The following LVRN variants were observed in gnomAD, a reference collection of about 807,000 sequenced individuals.
The protein encoded by LVRN is laeverin, also known as aminopeptidase Q.
Under a neutral mutation model 111.4 loss-of-function variants are expected in LVRN, and 99 were observed. That is an observed-to-expected ratio of 0.89 (90% CI 0.76 to 1.05). The LOEUF (loss-of-function observed/expected upper bound fraction) is 1.05. LVRN is among the 50% of genes least tolerant of loss of function. The probability of loss-of-function intolerance (pLI) is 0.00; values close to 1 mark genes in which losing one functional copy is unlikely to be tolerated. For synonymous variants in LVRN, 488 were observed against 449.5 expected, an observed-to-expected ratio of 1.09 and a Z score of -1.08; for missense variants, 1,414 against 1,206.8, an observed-to-expected ratio of 1.17 and a Z score of -2.54.
At chr5:115,966,036 T>G (rs1753194293) in intron 1 of LVRN, among the ~76,000 whole-genome samples, 1 of 152,228 alleles carries the variant, frequency 6.6e-6, no homozygotes, top group South Asian at 2.1e-4. Context: ...GTACCCTTCA[T>G]CTAGTTTATC....
intron 1 of LVRN, among the ~76,000 whole-genome samples, chr5:115,973,679 A>C (rs1753375806): frequency 6.6e-6 from 1 of 152,190 alleles, no homozygotes; most frequent in Non-Finnish European, 1.5e-5. Flanking sequence ...AAGTTGCCAA[A>C]TGTGTAAGTA....
intron 10 of LVRN, among the ~76,000 whole-genome samples, chr5:116,002,433 A>G (rs1748255098): frequency 6.6e-6 from 1 of 152,156 alleles, no homozygotes; most frequent in African/African-American, 2.4e-5. Context: ...TTTTGAAGTG[A>G]TTGTCAAGCT....
chr5:115,978,357 C>A (rs1425714118), intron 1 of LVRN, among the ~76,000 whole-genome samples: 1 of 152,150 alleles, frequency 6.6e-6, no homozygotes, highest in East Asian at 1.9e-4. Context: ...GATCCTGTGT[C>A]TTTTGAAAAT....
Position 115,962,831 on chromosome 5 carries a change from C to G in LVRN, c.214C>G (p.Pro72Ala). ...GCAGAAGCCGACGCCAACCCCGAAACCCAGCAGTGCACGCGAGCTAGCGGT... is the reference window on the plus strand; with the variant it reads ...GCAGAAGCCGACGCCAACCCCGAAAGCCAGCAGTGCACGCGAGCTAGCGGT... The part of the protein sequence containing the change: ...LRQKPTPTPK[P>A]SSARELAVTT... The change falls in exon 1 of 20, where the codon CCC becomes GCC. Residue 72 changes from proline to alanine, a missense_variant. Pro to Ala is a conservative substitution (Grantham distance 27, BLOSUM62 -1). Coordinates refer to ENST00000357872, the MANE Select transcript of LVRN (RefSeq NM_173800.5). 2 of 1,612,980 alleles carry G rather than the reference C, an allele frequency of 1.2e-6. No homozygotes were observed. Among genetic ancestry groups the G allele is most frequent in the Non-Finnish European group, 1.7e-6 (2 of 1,179,718 alleles).
At position 116,026,333 on chromosome 5, in the gene LVRN, A is replaced by C. The variant is rs1748866782; in HGVS notation, c.*215A>C. 3 of 585,120 alleles carry C rather than the reference A, an allele frequency of 5.1e-6. No homozygotes were observed. In the East Asian group the frequency reaches 9.6e-5, roughly 19 times the overall value. The allele number at this position is 585,120 out of a possible 1,614,324, so 36.2% of individuals were successfully genotyped here. A position where few individuals can be genotyped will look rare whatever the true frequency, so the allele number is the denominator to read the frequency against. ...TGCCAATGCTGCTGTATTTCTGGGAAAGATGTCACTTCATGTTGGGTTATA... is the reference window on the plus strand; with the variant it reads ...TGCCAATGCTGCTGTATTTCTGGGACAGATGTCACTTCATGTTGGGTTATA... On this transcript the variant is annotated 3_prime_UTR_variant, in exon 20 of 20. Coordinates refer to ENST00000357872, the MANE Select transcript of LVRN (RefSeq NM_173800.5).
intron 13 of LVRN, among the ~76,000 whole-genome samples, chr5:116,006,229 A>G (rs1748371821): frequency 6.6e-6 from 1 of 152,180 alleles, no homozygotes; most frequent in Admixed American, 6.5e-5. Context: ...CCTGTATTTT[A>G]ATATATTGCA....
intron 13 of LVRN, among the ~76,000 whole-genome samples, chr5:116,009,070 A>G (rs961368226): frequency 2.6e-5 from 4 of 152,204 alleles, no homozygotes; most frequent in African/African-American, 9.6e-5. Flanking sequence ...GTTAGGGGCT[A>G]ATGCAGCTGG....
chr5:115,969,555 T>A lies in LVRN; in HGVS notation c.695+6243T>A, dbSNP rs1414076249. 9.9e-5 allele frequency among the ~76,000 whole-genome samples: 15 copies of A among 152,262 alleles called. No homozygotes were observed. The East Asian group carries it at 2.9e-3, about 29-fold the overall frequency. ...GCTCACGCCTGTAATCCCAGCACTT[T>A]GGGAGGCCGAGGCAGGTGGATCACG... On this transcript the variant is annotated intron_variant, in intron 1 of 19. Coordinates refer to ENST00000357872, the MANE Select transcript of LVRN (RefSeq NM_173800.5).
chr5:115,975,221 T>C (rs563687118), intron 1 of LVRN: 10 of 485,564 alleles, frequency 2.1e-5, no homozygotes, highest in Non-Finnish European at 3.3e-5. Context: ...ATCTTCATTA[T>C]CTTGGGTTCA....
intron 6 of LVRN, 121 bp from the exon 7 acceptor site, chr5:115,999,641 T>G: frequency 9.4e-7 from 1 of 1,066,930 alleles, no homozygotes; most frequent in South Asian, 1.5e-5. Context: ...TCAAAGACAC[T>G]TCTCAATTAC....
rs967254101 is a variant in LVRN at position 115,984,263 on chromosome 5, C to A, written c.839-307C>A. On this transcript the variant is annotated intron_variant, in intron 2 of 19. Transcript: ENST00000357872. ...TAAGTGTTGTGAGAAATGGGCTGGA[C>A]TAGAAAACAATAGAATTAGGTGGGA... 1.1e-4 allele frequency among the ~76,000 whole-genome samples: 17 copies of A among 152,078 alleles called. 1 individual carries two copies. The highest frequency in any genetic ancestry group is 8.5e-4 in the Admixed American group (13 of 15,258).
In LVRN at chr5:116,001,135, C is replaced by T. The variant is rs1040560721; in HGVS notation, c.1716C>T (p.His572=). ...TIKNIMDSWT[H]QSGFPVITLN... is the part of the protein sequence containing the mutation. ...AAAACATAATGGACAGTTGGACACA[C>T]CAGAGTGGTTTTCCAGTGATCACTT... Residue 572 remains histidine (H), a synonymous_variant, in exon 10 of 20, where the codon CAC becomes CAT. Transcript: ENST00000357872. 1 of 1,613,814 alleles carries T rather than the reference C, an allele frequency of 6.2e-7. No homozygotes were observed. The highest frequency in any genetic ancestry group is 8.5e-7 in the Non-Finnish European group (1 of 1,179,970).
intron 4 of LVRN, among the ~76,000 whole-genome samples, chr5:115,989,018 A>G (rs1747927372): frequency 6.6e-6 from 1 of 151,766 alleles, no homozygotes; most frequent in Non-Finnish European, 1.5e-5. Context: ...CCATCCATCC[A>G]CTCACTTCTT....
intron 1 of LVRN, chr5:115,974,749 T>C (rs1426028857): frequency 9.5e-6 from 2 of 209,776 alleles, no homozygotes; most frequent in Non-Finnish European, 1.9e-5. Context: ...TTTTCAGTGT[T>C]CCATGGAAAA....
intron 6 of LVRN, among the ~76,000 whole-genome samples, chr5:115,997,777 T>C (rs892158417): frequency 1.4e-4 from 22 of 152,112 alleles, no homozygotes; most frequent in African/African-American, 2.4e-5. Flanking sequence ...AGTAGCTAGA[T>C]AGTTTTTTTT....
chr5:115,965,436 A>G (rs948575973), intron 1 of LVRN, among the ~76,000 whole-genome samples: 1 of 152,246 alleles, frequency 6.6e-6, no homozygotes, highest in African/African-American at 2.4e-5. Flanking sequence ...GGTAAACTTT[A>G]TGTTATGTGT....
In LVRN at chr5:116,015,640, T is replaced by G. The variant is rs1227432786; in HGVS notation, c.2631T>G (p.Tyr877Ter). The G allele has an allele frequency of 1.2e-6, 2 of 1,611,256 alleles. No individual in the cohort carries two copies. The highest frequency in any genetic ancestry group is 3.4e-5 in the Admixed American group (2 of 59,558). Residue 877 changes from tyrosine to a stop codon, truncating the protein, a stop_gained, in exon 18 of 20, where the codon TAT (tyrosine) becomes TAG (stop). Transcript: ENST00000357872. LOFTEE classifies it high-confidence loss of function. ...TGCACTTTTGCAGATATATGGAGTA[T>G]GCCATCAGCACATCTCCATTCACTT... is the stretch of plus-strand genomic sequence containing the variant. ...DPWILNRYME[Y>*]AISTSPFTSN...
At chr5:116,003,675 G>T (rs182211289) in intron 12 of LVRN, among the ~76,000 whole-genome samples, 3 of 150,776 alleles carry the variant, frequency 2.0e-5, no homozygotes, top group African/African-American at 7.3e-5. Context: ...TCCGCCTCCC[G>T]GGTTCACGCC....
intron 6 of LVRN, among the ~76,000 whole-genome samples, chr5:115,998,051 T>C (rs1315644136): frequency 6.6e-6 from 1 of 152,228 alleles, no homozygotes; most frequent in African/African-American, 2.4e-5. Context: ...AGTAGCAATA[T>C]GTGCAAAAAC....
Sources: gnomAD v4.1 joint callset for allele counts (sites outside exome capture counted in the v4.1 genomes callset) on GRCh38, gnomAD v4.1.1 for gene constraint, MANE v1.5 for transcripts, NCBI Gene and HGNC (gene_info 2026-07-23, HGNC 2026-07-21) for gene names.